USH2A: variants seen among roughly 807,000 people sequenced by gnomAD.
USH2A encodes usherin.
Under a neutral mutation model 538.9 loss-of-function variants are expected in USH2A, and 443 were observed. That is an observed-to-expected ratio of 0.82 (90% CI 0.76 to 0.89). The LOEUF is 0.89. USH2A is among the 40% of genes least tolerant of loss of function. The pLI is 0.00. For synonymous variants in USH2A, 2,413 were observed against 2,273.5 expected (o/e 1.06, Z -1.75); for missense variants, 6,633 against 6,324.8 (o/e 1.05, Z -1.65).
chr1:215,687,362 G>A (rs1261398321), intron 61 of USH2A, among the ~76,000 whole-genome samples: 1 of 148,032 alleles, frequency 6.8e-6, no homozygotes. Flanking sequence ...ACGTGAAAAG[G>A]GAGAAGGTTT....
At chr1:216,109,231 T>G (rs78078179) in intron 21 of USH2A, among the ~76,000 whole-genome samples, 3,992 of 152,308 alleles carry the variant, frequency 0.026, 191 homozygotes, top group African/African-American at 0.089. Context: ...GATAATAGTG[T>G]AACCTGGGGC....
At chr1:216,388,792 A>G (rs2039050351) in intron 3 of USH2A, among the ~76,000 whole-genome samples, 1 of 152,220 alleles carries the variant, frequency 6.6e-6, no homozygotes. Flanking sequence ...CTACTTGCTG[A>G]AGCTCTTGAC....
rs1473619025 is a variant in USH2A, at chr1:215,970,715, G to A, written c.6867C>T (p.Leu2289=). ...DGILIHNSSE[L]SYRAYGFAPW... ...GAGCAAATCCGTAAGCACGATAGCTGAGTTCTGAGGAATTGTGGATTAATA... is the reference window on the plus strand; with the variant it reads ...GAGCAAATCCGTAAGCACGATAGCTAAGTTCTGAGGAATTGTGGATTAATA... Residue 2289 remains leucine, a synonymous_variant, in exon 36 of 72, where the codon CTC becomes CTT. Transcript: ENST00000307340. 6.2e-7 allele frequency: 1 copy of A among 1,613,566 alleles called. No homozygotes were observed. Among genetic ancestry groups the A allele is most frequent in the Non-Finnish European group, 8.5e-7 (1 of 1,179,738 alleles).
chr1:216,070,542 A>C (rs1259548977), intron 29 of USH2A, among the ~76,000 whole-genome samples: 1 of 152,182 alleles, frequency 6.6e-6, no homozygotes, highest in Admixed American at 6.5e-5. Flanking sequence ...CAGGTTTTCC[A>C]AAAACATTTA....
intron 32 of USH2A, among the ~76,000 whole-genome samples, chr1:216,019,331 G>A (rs905592946): frequency 5.3e-5 from 8 of 152,112 alleles, no homozygotes; most frequent in African/African-American, 1.9e-4. Context: ...CAGGACATAC[G>A]AAAGAAGTGA....
chr1:215,640,748 G>T lies in USH2A; in HGVS notation c.14792-14C>A. ...GGTACTGAGGCACTGTGGGGAGAAA[G>T]TTGTATGTTCTAAAAAGGGTAACCT... On this transcript the variant is annotated splice_polypyrimidine_tract_variant and intron_variant, in intron 67 of 71. Transcript: ENST00000307340. 1 of 1,525,562 alleles carries T rather than the reference G, an allele frequency of 6.6e-7. No individual in the cohort carries two copies. Among genetic ancestry groups the T allele is most frequent in the South Asian group, 1.1e-5 (1 of 89,842 alleles). 94.5% of individuals were successfully genotyped at this position (1,525,562 alleles called of 1,614,324 possible).
chr1:216,211,691 T>C (rs1301966968), intron 15 of USH2A, among the ~76,000 whole-genome samples: 4 of 152,208 alleles, frequency 2.6e-5, no homozygotes, highest in Non-Finnish European at 4.4e-5. Flanking sequence ...ATATGCCTAT[T>C]TAGACATAGG....
chr1:216,420,982 A>C (rs1352235597), intron 2 of USH2A, among the ~76,000 whole-genome samples: 1 of 152,170 alleles, frequency 6.6e-6, no homozygotes, highest in Admixed American at 6.6e-5. Flanking sequence ...CACACAGAAA[A>C]TGTCACAAGA....
At chr1:215,992,365 C>T (rs1196373593) in intron 35 of USH2A, among the ~76,000 whole-genome samples, 1 of 152,144 alleles carries the variant, frequency 6.6e-6, no homozygotes, top group Non-Finnish European at 1.5e-5. Flanking sequence ...CTACCCAAAA[C>T]TATTACAAAT....
At chr1:216,154,024 G>A (rs371825570) in intron 21 of USH2A, among the ~76,000 whole-genome samples, 29 of 152,142 alleles carry the variant, frequency 1.9e-4, no homozygotes, top group Admixed American at 6.5e-4. Context: ...ATATTAACAC[G>A]GATTATATAA....
Position 215,624,600 on chromosome 1 carries a change from T to C in USH2A, c.*1181A>G, listed in dbSNP as rs1189460010. The C allele has an allele frequency of 6.6e-6, 1 of 152,010 alleles. No individual in the cohort carries two copies. The highest frequency in any genetic ancestry group is 2.4e-5 in the African/African-American group (1 of 41,392). 9.4% of individuals were successfully genotyped at this position (152,010 alleles called of 1,614,324 possible). On this transcript the variant is annotated 3_prime_UTR_variant, in exon 72 of 72. Coordinates refer to ENST00000307340, the MANE Select transcript of USH2A (RefSeq NM_206933.4). ...TTTATGTGGATGATTTGCAAGAAAATTTTTCTTGCCATAGGACTTTCACCA... is the reference window on the plus strand; with the variant it reads ...TTTATGTGGATGATTTGCAAGAAAACTTTTCTTGCCATAGGACTTTCACCA...
intron 11 of USH2A, among the ~76,000 whole-genome samples, chr1:216,271,532 T>A (rs985342902): frequency 6.6e-6 from 1 of 152,124 alleles, no homozygotes; most frequent in African/African-American, 2.4e-5. Flanking sequence ...CATTTTGTCC[T>A]ACTTTAGACT....
chr1:215,898,082 C>A lies in USH2A; in HGVS notation c.7594+1993G>T, dbSNP rs79874007. On this transcript the variant is annotated intron_variant, in intron 40 of 71. Coordinates refer to ENST00000307340, the MANE Select transcript of USH2A (RefSeq NM_206933.4). ...GTCTCAGGTGCACTGCTAACGTAAC[C>A]TGCAGGTACACATGGCCTCCTTCCA... 3.9e-3 allele frequency among the ~76,000 whole-genome samples: 592 copies of A among 152,300 alleles called. 5 individuals carry two copies. Among genetic ancestry groups the A allele is most frequent in the African/African-American group, 0.014 (568 of 41,568 alleles).
intron 35 of USH2A, among the ~76,000 whole-genome samples, chr1:215,971,668 C>A (rs1407929463): frequency 6.6e-6 from 1 of 152,100 alleles, no homozygotes; most frequent in Non-Finnish European, 1.5e-5. Context: ...TAAATATCAG[C>A]TATGGTCTCA....
At chr1:215,672,589 G>C (rs541784147) in intron 63 of USH2A, among the ~76,000 whole-genome samples, 1 of 152,220 alleles carries the variant, frequency 6.6e-6, no homozygotes, top group South Asian at 2.1e-4. Flanking sequence ...GGTTATCCGT[G>C]GTAGTTTTTA....
chr1:216,297,691 C>T (rs1190761059), intron 9 of USH2A, among the ~76,000 whole-genome samples: 1 of 152,072 alleles, frequency 6.6e-6, no homozygotes, highest in Non-Finnish European at 1.5e-5. Context: ...ATGCACTGGT[C>T]TACGATCTGC....
intron 55 of USH2A, among the ~76,000 whole-genome samples, chr1:215,771,992 C>T (rs182147481): frequency 6.6e-6 from 1 of 152,256 alleles, no homozygotes; most frequent in Admixed American, 6.5e-5. Flanking sequence ...TTCAGATAAT[C>T]TGTAAGAAAG....
chr1:215,817,036 T>C lies in USH2A; in HGVS notation c.9531A>G (p.Glu3177=). 6.2e-7 allele frequency: 1 copy of C among 1,612,686 alleles called. No individual in the cohort carries two copies. Among genetic ancestry groups the C allele is most frequent in the Non-Finnish European group, 8.5e-7 (1 of 1,178,964 alleles). ...AATAGCAAATGTGTCCACAGATAGA[T>C]TCAGGTTTTTGACACCTCACTGCCT... ...LCKAVRCQKP[E]SICGHICYSS... Residue 3177 remains glutamate (E), a synonymous_variant, in exon 48 of 72, where the codon GAA becomes GAG. Transcript: ENST00000307340.
chr1:216,018,529 G>A (rs1668770431), intron 32 of USH2A, among the ~76,000 whole-genome samples: 1 of 152,264 alleles, frequency 6.6e-6, no homozygotes, highest in Admixed American at 6.5e-5. Flanking sequence ...CCTGTCTGTT[G>A]TTCTCTTTAT....
Sources: allele counts gnomAD v4.1 joint callset (sites outside exome capture counted in the v4.1 genomes callset), GRCh38; gene constraint gnomAD v4.1.1; transcripts MANE v1.5; gene names NCBI Gene and HGNC (gene_info 2026-07-23, HGNC 2026-07-21).